Variants in BICRA observed in about 807,000 individuals in gnomAD.
The protein encoded by BICRA is BRD4-interacting chromatin-remodeling complex-associated protein.
A neutral mutation model predicts 96.9 loss-of-function variants in BICRA; 31 were observed. The observed-to-expected ratio is 0.32, with a 90% CI of 0.24 to 0.43. BICRA has a LOEUF of 0.43. Among genes scored for constraint, BICRA ranks in the 20% least tolerant of loss-of-function variants. The probability of loss-of-function intolerance (pLI) is 1.00; values close to 1 mark genes in which losing one functional copy is unlikely to be tolerated. For missense variants in BICRA, 2,283 were observed against 2,190.3 expected, an observed-to-expected ratio of 1.04 and a Z score of -0.84; for synonymous variants, 1,350 against 1,071.8, an observed-to-expected ratio of 1.26 and a Z score of -5.07.
intron 1 of BICRA, among the ~76,000 whole-genome samples, chr19:47,637,671 C>G (rs1420003625): frequency 1.3e-5 from 2 of 152,128 alleles, no homozygotes; most frequent in African/African-American, 2.4e-5. Context: ...AAAAGGAAAC[C>G]TCATACCCAC....
At chr19:47,636,453 C>T (rs1972301720) in intron 1 of BICRA, among the ~76,000 whole-genome samples, 1 of 152,298 alleles carries the variant, frequency 6.6e-6, no homozygotes, top group South Asian at 2.1e-4. Context: ...AAGTGATCCT[C>T]CTGCCTGGGC....
intron 1 of BICRA, among the ~76,000 whole-genome samples, chr19:47,631,071 T>G (rs1972215141): frequency 6.6e-6 from 1 of 151,760 alleles, no homozygotes; most frequent in South Asian, 2.1e-4. Flanking sequence ...GTTTTTGGGG[T>G]TTTTTTTGAG....
intron 1 of BICRA, among the ~76,000 whole-genome samples, chr19:47,610,995 A>G (rs1971898231): frequency 6.6e-6 from 1 of 152,144 alleles, no homozygotes; most frequent in Admixed American, 6.5e-5. Context: ...TGCTAAGTAC[A>G]TTACACGCTG....
intron 1 of BICRA, among the ~76,000 whole-genome samples, chr19:47,666,404 G>A (rs538070215): frequency 3.3e-5 from 5 of 150,724 alleles, no homozygotes; most frequent in South Asian, 2.1e-4. Flanking sequence ...CTCAGCCTGC[G>A]GAGTAACTGG....
intron 1 of BICRA, among the ~76,000 whole-genome samples, chr19:47,634,767 T>TTG (rs1362077900): frequency 2.7e-5 from 4 of 146,262 alleles, no homozygotes; most frequent in African/African-American, 7.6e-5. Flanking sequence ...TTTTTTTTTT[T>TTG]TTTTTTTTTT....
At chr19:47,667,215 T>C (rs1599835584) in intron 1 of BICRA, among the ~76,000 whole-genome samples, 1 of 152,134 alleles carries the variant, frequency 6.6e-6, no homozygotes, top group Non-Finnish European at 1.5e-5. Context: ...AGACGGGGTT[T>C]CACCATTCAC....
At chr19:47,692,162 GTCATTTC>G (rs1245865446) in intron 7 of BICRA, among the ~76,000 whole-genome samples, 1 of 152,026 alleles carries the variant, frequency 6.6e-6, no homozygotes, top group Non-Finnish European at 1.5e-5. Flanking sequence ...GGCCATTTGA[GTCATTTC>G]TCCTTTTCCT....
In BICRA at chr19:47,702,478, G is replaced by A. The variant is rs947759816; in HGVS notation, c.*63G>A. 3 of 1,404,198 alleles carry A rather than the reference G, an allele frequency of 2.1e-6. No individual in the cohort carries two copies. In the African/African-American group the frequency reaches 4.6e-5, roughly 21 times the overall value. 87.0% of individuals were successfully genotyped at this position (1,404,198 alleles called of 1,614,324 possible). On this transcript the variant is annotated 3_prime_UTR_variant, in exon 15 of 15. Transcript: ENST00000594866. ...AAGACGCCGGGACAGTCGGGTGTCC[G>A]CCCTCAGCCTCCTGGGGACTCGAGC...
intron 1 of BICRA, among the ~76,000 whole-genome samples, chr19:47,652,773 ACCT>A (rs1042624937): frequency 3.3e-5 from 5 of 151,936 alleles, no homozygotes; most frequent in African/African-American, 4.8e-5. Flanking sequence ...GCAGTGGAAC[ACCT>A]CCTATTCCTG....
At chr19:47,666,774 T>C (rs1972785595) in intron 1 of BICRA, among the ~76,000 whole-genome samples, 2 of 152,104 alleles carry the variant, frequency 1.3e-5, no homozygotes. Flanking sequence ...GATCTTGCTG[T>C]GTTGCCTAGG....
At chr19:47,608,297 C>G (rs894322826), upstream of BICRA, 1 of 152,338 alleles carries the variant, frequency 6.6e-6, no homozygotes, top group South Asian at 2.1e-4. Context: ...GTGATCGAGC[C>G]ACGCCTGGGG....
Position 47,694,394 on chromosome 19 carries a change from C to T in BICRA, c.2563C>T (p.Pro855Ser). The T allele has an allele frequency of 1.8e-6, 2 of 1,105,842 alleles. No homozygotes were observed. Among genetic ancestry groups the T allele is most frequent in the Non-Finnish European group, 2.7e-6 (2 of 740,794 alleles). 68.5% of individuals were successfully genotyped at this position (1,105,842 alleles called of 1,614,324 possible). The change falls in exon 8 of 15, where the codon CCA (proline) becomes TCA (serine). Residue 855 changes from proline (P) to serine (S), a missense_variant. Pro to Ser is a moderately conservative substitution (Grantham distance 74). Coordinates refer to ENST00000594866, the MANE Select transcript of BICRA (RefSeq NM_001394372.1). ...PPASNPAPTA[P>S]GPPQPPLRPQ... ...TGCCAGCAACCCGGCCCCTACTGCC[C>T]CAGGCCCGCCGCAGCCGCCTCTCCG... is the stretch of plus-strand genomic sequence containing the variant.
chr19:47,668,787 G>A lies in BICRA; in HGVS notation c.-107-1656G>A, dbSNP rs142756560. 3.1e-3 allele frequency among the ~76,000 whole-genome samples: 470 copies of A among 151,474 alleles called. 4 individuals are homozygous for A. Among genetic ancestry groups the A allele is most frequent in the African/African-American group, 0.011 (450 of 41,360 alleles). ...GATACAGGCATGAGCCACGGCGCCCGGCTGTCTTTGTGCTTCTTATTGGTG... is the reference window on the plus strand; with the variant it reads ...GATACAGGCATGAGCCACGGCGCCCAGCTGTCTTTGTGCTTCTTATTGGTG... On this transcript the variant is annotated intron_variant, in intron 1 of 14. Coordinates refer to ENST00000594866, the MANE Select transcript of BICRA (RefSeq NM_001394372.1).
At chr19:47,645,640 C>T (rs1188308222) in intron 1 of BICRA, among the ~76,000 whole-genome samples, 1 of 152,200 alleles carries the variant, frequency 6.6e-6, no homozygotes, top group Admixed American at 6.5e-5. Context: ...GTTCCAAAAA[C>T]GCAGATAACA....
At chr19:47,630,654 T>C (rs561945499) in intron 1 of BICRA, among the ~76,000 whole-genome samples, 6 of 152,326 alleles carry the variant, frequency 3.9e-5, no homozygotes, top group African/African-American at 1.2e-4. Flanking sequence ...GGTTTACCTA[T>C]TCTGCCATCG....
At chr19:47,608,856 A>G (rs1971848071), upstream of BICRA, among the ~76,000 whole-genome samples, 1 of 132,996 alleles carries the variant, frequency 7.5e-6, no homozygotes, top group Non-Finnish European at 1.6e-5. Context: ...GAGGAGGAGG[A>G]GGAAGGGGGT....
intron 7 of BICRA, among the ~76,000 whole-genome samples, chr19:47,693,687 G>T (rs1023802343): frequency 6.6e-6 from 1 of 152,124 alleles, no homozygotes; most frequent in African/African-American, 2.4e-5. Flanking sequence ...CTCCTTCCCC[G>T]CTGCTGTGCT....
rs781498270 is a variant in BICRA, at chr19:47,694,357, C to T, written c.2526C>T (p.Gly842=). The T allele has an allele frequency of 4.0e-5, 49 of 1,238,972 alleles. No individual in the cohort carries two copies. The Admixed American group carries it at 8.1e-4, about 20-fold the overall frequency. 76.7% of individuals were successfully genotyped at this position (1,238,972 alleles called of 1,614,324 possible). Residue 842 remains glycine (G), a synonymous_variant, in exon 8 of 15, where the codon GGC becomes GGT. Transcript: ENST00000594866. ...TCTTTGTCATCCAAAACCAGCTAGGCGTTCCCCCGCCTGCCAGCAACCCGG... is the reference window on the plus strand; with the variant it reads ...TCTTTGTCATCCAAAACCAGCTAGGTGTTCCCCCGCCTGCCAGCAACCCGG... ...PGIFVIQNQL[G]VPPPASNPAP...
Position 47,670,471 on chromosome 19 carries a change from C to T in BICRA, c.-79C>T, listed in dbSNP as rs1373631285. The T allele has an allele frequency of 6.6e-6, 1 of 152,174 alleles. No homozygotes were observed. Among genetic ancestry groups the T allele is most frequent in the Non-Finnish European group, 1.5e-5 (1 of 68,034 alleles). 9.4% of individuals were successfully genotyped at this position (152,174 alleles called of 1,614,324 possible). A position where few individuals can be genotyped will look rare whatever the true frequency, so the allele number is the denominator to read the frequency against. On this transcript the variant is annotated 5_prime_UTR_variant, in exon 2 of 15. Transcript: ENST00000594866. ...GCCCCCAAGAGGACCCTTTCCAAGTCCCCAGCTGGGGGCCCTGTGTAGACC... is the reference window on the plus strand; with the variant it reads ...GCCCCCAAGAGGACCCTTTCCAAGTTCCCAGCTGGGGGCCCTGTGTAGACC...
Sources: gnomAD v4.1 joint callset for allele counts (sites outside exome capture counted in the v4.1 genomes callset) on GRCh38, gnomAD v4.1.1 for gene constraint, MANE v1.5 for transcripts, NCBI Gene and HGNC (gene_info 2026-07-23, HGNC 2026-07-21) for gene names.